Variants in GMCL1 observed in about 807,000 individuals in gnomAD.
The protein encoded by GMCL1 is germ cell-less protein-like 1.
In GMCL1, 54 loss-of-function variants were observed where a neutral mutation model predicts 75.5. That is an observed-to-expected ratio of 0.71 (90% CI 0.57 to 0.90). The LOEUF is 0.90. Ranked by LOEUF, GMCL1 falls within the 40% of genes least tolerant of loss-of-function variation. The pLI is 0.00. For missense variants in GMCL1, 537 were observed against 622.7 expected (o/e 0.86, Z 1.47); for synonymous variants, 210 against 209.6 (o/e 1.00, Z -0.02).
chr2:69,840,081 T>TG (rs1674938321), intron 3 of GMCL1: 3 of 152,648 alleles, frequency 2.0e-5, no homozygotes. Flanking sequence ...CCCTCATTGG[T>TG]GGTCCACATG....
chr2:69,837,404 A>G, intron 1 of GMCL1, 143 bp from the exon 2 acceptor site: 1 of 680,268 alleles, frequency 1.5e-6, no homozygotes, highest in Non-Finnish European at 2.3e-6. Flanking sequence ...TTGAATATAT[A>G]CTATCTCCCT....
chr2:69,876,098 C>T (rs1676122612), intron 13 of GMCL1, among the ~76,000 whole-genome samples: 1 of 152,132 alleles, frequency 6.6e-6, no homozygotes, highest in Admixed American at 6.5e-5. Flanking sequence ...AACTGTCCAT[C>T]TTATAAGACC....
chr2:69,851,051 G>T (rs761965893), intron 8 of GMCL1, among the ~76,000 whole-genome samples: 1 of 152,096 alleles, frequency 6.6e-6, no homozygotes, highest in African/African-American at 2.4e-5. Flanking sequence ...TTATTGATTT[G>T]TAGGCATTCT....
At chr2:69,858,481 C>A (rs1675545162) in intron 9 of GMCL1, among the ~76,000 whole-genome samples, 1 of 152,218 alleles carries the variant, frequency 6.6e-6, no homozygotes, top group Admixed American at 6.5e-5. Flanking sequence ...AGGGTTCTGG[C>A]AAACTCTTCC....
chr2:69,830,173 G>T (rs1300531008), intron 1 of GMCL1, 21 bp downstream of exon 1: 1 of 1,547,544 alleles, frequency 6.5e-7, no homozygotes, highest in South Asian at 1.2e-5. Flanking sequence ...GCACGCACCC[G>T]CGCGGACCCG....
chr2:69,848,217 C>T lies in GMCL1; in HGVS notation c.843+590C>T, dbSNP rs142623264. Among the ~76,000 whole-genome samples the T allele has an allele frequency of 2.3e-4, 35 of 152,330 alleles. 1 individual carries two copies. The highest frequency in any genetic ancestry group is 7.2e-4 in the African/African-American group (30 of 41,570). On this transcript the variant is annotated intron_variant, in intron 7 of 13. Transcript: ENST00000282570. ...CTAGTCCATTGCCCTCTTCCTACTG[C>T]ATAATCCTGCCTTTACCCTTTTGTC...
In GMCL1 at chr2:69,864,944, G is replaced by A. The variant is rs1343772243; in HGVS notation, c.1187G>A (p.Arg396Lys). ...GAAGAACTAGAGGGAAACAGCATGA[G>A]GTGTGGTAGAAAGCTTGCCAAAGAT... ...NKEELEGNSM[R>K]CGRKLAKDGE... Residue 396 changes from arginine (R) to lysine (K), a missense_variant, in exon 11 of 14, where the codon AGG becomes AAG. Physicochemically the swap from Arg to Lys is conservative, Grantham distance 26. Transcript: ENST00000282570. 1.2e-6 allele frequency: 2 copies of A among 1,613,380 alleles called. No homozygotes were observed. Among genetic ancestry groups the A allele is most frequent in the African/African-American group, 1.3e-5 (1 of 74,902 alleles).
intron 10 of GMCL1, 64 bp from the exon 11 acceptor site, chr2:69,864,836 A>G: frequency 9.4e-7 from 1 of 1,058,234 alleles, no homozygotes; most frequent in South Asian, 1.4e-5. Context: ...CTTAACTCAT[A>G]GTTCTTTTTT....
intron 13 of GMCL1, among the ~76,000 whole-genome samples, chr2:69,877,601 G>C (rs1676159576): frequency 6.6e-6 from 1 of 152,060 alleles, no homozygotes; most frequent in African/African-American, 2.4e-5. Flanking sequence ...ATTCCTCTCT[G>C]GTGACACTTG....
chr2:69,860,888 G>A (rs913910584), intron 9 of GMCL1, among the ~76,000 whole-genome samples: 1 of 152,196 alleles, frequency 6.6e-6, no homozygotes, highest in Non-Finnish European at 1.5e-5. Context: ...TGTCACACAG[G>A]CTGGAGTGCA....
At position 69,830,051 on chromosome 2, in the gene GMCL1, G is replaced by A; in HGVS notation, c.159G>A (p.Lys53=). 2.6e-6 allele frequency: 4 copies of A among 1,566,460 alleles called. No individual in the cohort carries two copies. Among genetic ancestry groups the A allele is most frequent in the South Asian group, 1.2e-5 (1 of 85,616 alleles). The change falls in exon 1 of 14, where the codon AAG becomes AAA. Residue 53 remains lysine (K), a synonymous_variant. Transcript: ENST00000282570. ...ACTGTGCGGGCAGCCACAAGCGCAA[G>A]CGGAGCAGCGGGTCCTTCTGCTACT... The part of the protein sequence containing the change: ...FCYCAGSHKR[K]RSSGSFCYCH...
At chr2:69,844,536 GT>G (rs1675078116) in intron 6 of GMCL1, 1 of 125,834 alleles carries the variant, frequency 7.9e-6, no homozygotes, top group African/African-American at 3.1e-5. Flanking sequence ...TGAAGAAACT[GT>G]TTTGGCCTTT....
Position 69,861,323 on chromosome 2 carries a change from G to T in GMCL1, c.1118G>T (p.Arg373Leu). ...AAACAGCAGTGGTTTGCTATGCTGC[G>T]GGCAGAACAGGACAGTGAGGTGGGG... ...VYKQQWFAML[R>L]AEQDSEVGPQ... The change falls in exon 10 of 14, where the codon CGG (arginine) becomes CTG (leucine). Residue 373 changes from arginine to leucine, a missense_variant. Coordinates refer to ENST00000282570, the MANE Select transcript of GMCL1 (RefSeq NM_178439.5). 6.2e-7 allele frequency: 1 copy of T among 1,608,998 alleles called. No individual in the cohort carries two copies. Among genetic ancestry groups the T allele is most frequent in the Non-Finnish European group, 8.5e-7 (1 of 1,176,586 alleles).
intron 11 of GMCL1, among the ~76,000 whole-genome samples, chr2:69,867,753 G>A (rs548708494): frequency 3.3e-5 from 5 of 152,282 alleles, no homozygotes; most frequent in South Asian, 2.1e-4. Context: ...GACAAACACC[G>A]TACCCCATTG....
intron 9 of GMCL1, among the ~76,000 whole-genome samples, chr2:69,857,902 C>G: frequency 6.6e-6 from 1 of 152,080 alleles, no homozygotes; most frequent in Admixed American, 6.6e-5. Flanking sequence ...AAATACTGGG[C>G]AAATTAGGAA....
In GMCL1 at chr2:69,829,967, G is replaced by C. The variant is rs747221362; in HGVS notation, c.75G>C (p.Ala25=). 2 of 1,587,340 alleles carry C rather than the reference G, an allele frequency of 1.3e-6. No individual in the cohort carries two copies. The highest frequency in any genetic ancestry group is 1.8e-5 in the Admixed American group (1 of 56,282). The change falls in exon 1 of 14, where the codon GCG becomes GCC. Residue 25 remains alanine (A), a synonymous_variant. Transcript: ENST00000282570. ...ALAQQAQGAR[A]GGSARRPDTG... Reference sequence around the variant, plus strand: ...CCCAGCAGGCGCAGGGTGCCAGGGCGGGGGGCTCGGCCCGGAGGCCGGACA... The same window carrying C: ...CCCAGCAGGCGCAGGGTGCCAGGGCCGGGGGCTCGGCCCGGAGGCCGGACA...
chr2:69,844,222 A>G (rs1290936883), intron 6 of GMCL1, 26 bp downstream of exon 6: 6 of 1,228,058 alleles, frequency 4.9e-6, no homozygotes. Flanking sequence ...GTAACTTCAT[A>G]ATTAGTCATC....
chr2:69,863,004 T>C (rs1006881079), intron 10 of GMCL1, among the ~76,000 whole-genome samples: 8 of 152,206 alleles, frequency 5.3e-5, no homozygotes, highest in African/African-American at 1.9e-4. Flanking sequence ...CCCATGTCCT[T>C]ATTGAGGTAA....
At chr2:69,840,869 G>T in intron 3 of GMCL1, 73 bp from the exon 4 acceptor site, 1 of 963,686 alleles carries the variant, frequency 1.0e-6, no homozygotes, top group Non-Finnish European at 1.6e-6. Context: ...GAAGACAGTC[G>T]TTGTTGTTAT....
Sources: gnomAD v4.1 joint callset for allele counts (sites outside exome capture counted in the v4.1 genomes callset) on GRCh38, gnomAD v4.1.1 for gene constraint, MANE v1.5 for transcripts, NCBI Gene and HGNC (gene_info 2026-07-23, HGNC 2026-07-21) for gene names.